TAFA2: variants seen among roughly 807,000 people sequenced by gnomAD.
TAFA2 encodes the protein TAFA chemokine like family member 2.
A neutral mutation model predicts 18.8 loss-of-function variants in TAFA2; 7 were observed. That is an observed-to-expected ratio of 0.37 (90% CI 0.21 to 0.70). The LOEUF (loss-of-function observed/expected upper bound fraction) is 0.70. Among genes scored for constraint, TAFA2 ranks in the 30% least tolerant of loss-of-function variants. The pLI, the probability that TAFA2 is intolerant of heterozygous loss-of-function variation, is 0.53. For synonymous variants in TAFA2, 60 were observed against 54.2 expected (o/e 1.11, Z -0.47); for missense variants, 122 against 158.1 (o/e 0.77, Z 1.23).
At chr12:62,139,549 T>C (rs767687773) in intron 1 of TAFA2, among the ~76,000 whole-genome samples, 10 of 152,322 alleles carry the variant, frequency 6.6e-5, no homozygotes, top group South Asian at 6.2e-4. Flanking sequence ...AAGAATTAAT[T>C]AATACCTCTT....
intron 2 of TAFA2, among the ~76,000 whole-genome samples, chr12:61,788,645 T>C (rs999903895): frequency 5.9e-5 from 9 of 151,610 alleles, no homozygotes; most frequent in Admixed American, 5.3e-4. Flanking sequence ...AACAAAATTT[T>C]GATAAATCTC....
At chr12:62,237,539 G>T (rs764510792) in intron 1 of TAFA2, among the ~76,000 whole-genome samples, 2 of 151,966 alleles carry the variant, frequency 1.3e-5, no homozygotes, top group African/African-American at 2.4e-5. Context: ...ATTGGTTCCG[G>T]GTTTCTTGCT....
At chr12:62,018,304 C>A (rs2136724340) in intron 1 of TAFA2, among the ~76,000 whole-genome samples, 1 of 152,280 alleles carries the variant, frequency 6.6e-6, no homozygotes, top group Admixed American at 6.5e-5. Flanking sequence ...ATTGTGAAAT[C>A]CCCAGTATTA....
chr12:61,940,292 T>A (rs1877945840), intron 1 of TAFA2, among the ~76,000 whole-genome samples: 1 of 152,190 alleles, frequency 6.6e-6, no homozygotes, highest in Non-Finnish European at 1.5e-5. Flanking sequence ...TCTTAATAGT[T>A]TGTGAACAAG....
intron 1 of TAFA2, among the ~76,000 whole-genome samples, chr12:62,107,663 T>C (rs1161369909): frequency 6.6e-6 from 1 of 152,186 alleles, no homozygotes; most frequent in Non-Finnish European, 1.5e-5. Flanking sequence ...ATTGCTGGAC[T>C]TTTTAACTCT....
At chr12:61,966,357 C>T (rs1467083544) in intron 1 of TAFA2, among the ~76,000 whole-genome samples, 1 of 151,852 alleles carries the variant, frequency 6.6e-6, no homozygotes, top group Non-Finnish European at 1.5e-5. Flanking sequence ...GGAAGGAACA[C>T]TGGTGGAAGA....
chr12:61,740,321 C>A (rs1315117028), intron 4 of TAFA2, among the ~76,000 whole-genome samples: 5 of 151,870 alleles, frequency 3.3e-5, no homozygotes, highest in African/African-American at 4.8e-5. Flanking sequence ...ATATCACACA[C>A]CGGAGCCTGT....
chr12:61,836,992 A>G (rs1384483937), intron 2 of TAFA2, among the ~76,000 whole-genome samples: 1 of 150,772 alleles, frequency 6.6e-6, no homozygotes, highest in Non-Finnish European at 1.5e-5. Flanking sequence ...TTTTATTTAT[A>G]ATGTTTTTTA....
chr12:62,248,706 CTTTA>C (rs2062898092), intron 1 of TAFA2, among the ~76,000 whole-genome samples: 1 of 152,096 alleles, frequency 6.6e-6, no homozygotes, highest in Non-Finnish European at 1.5e-5. Context: ...ACTCCATTTA[CTTTA>C]TTTGTTGAAA....
chr12:62,134,311 G>A (rs1050674646), intron 1 of TAFA2, among the ~76,000 whole-genome samples: 3 of 151,890 alleles, frequency 2.0e-5, no homozygotes, highest in African/African-American at 7.2e-5. Flanking sequence ...GAGGTCCTAA[G>A]CATGGAGCAC....
At chr12:62,104,779 G>A (rs772120979) in intron 1 of TAFA2, 1 of 450,756 alleles carries the variant, frequency 2.2e-6, no homozygotes, top group African/African-American at 2.0e-5. Flanking sequence ...TAAGCTAACT[G>A]GCTTTCTCTA....
chr12:61,811,180 T>C (rs1394535505), intron 2 of TAFA2, among the ~76,000 whole-genome samples: 1 of 151,424 alleles, frequency 6.6e-6, no homozygotes, highest in Non-Finnish European at 1.5e-5. Context: ...GTAGTAATAA[T>C]GCATATGAGC....
chr12:62,235,318 T>A (rs2062831933), intron 1 of TAFA2: 1 of 667,868 alleles, frequency 1.5e-6, no homozygotes, highest in Admixed American at 2.3e-5. Flanking sequence ...GCCCTCGGCA[T>A]CTCTGTCCTG....
Position 61,900,465 on chromosome 12 carries a change from G to A in TAFA2, c.-1-33039C>T, listed in dbSNP as rs534831902. On this transcript the variant is annotated intron_variant, in intron 1 of 4. Coordinates refer to ENST00000416284, the MANE Select transcript of TAFA2 (RefSeq NM_178539.5). ...TACCCAAGACTGGGTAATTTATAAA[G>A]GAAAAAGATTTAATTGACTTACAGT... Among the ~76,000 whole-genome samples, 3 of 152,268 alleles carry A rather than the reference G, an allele frequency of 2.0e-5. No individual in the cohort carries two copies. In the East Asian group the frequency reaches 5.8e-4, roughly 29 times the overall value.
chr12:61,889,568 C>G (rs1875537863), intron 1 of TAFA2, among the ~76,000 whole-genome samples: 1 of 152,168 alleles, frequency 6.6e-6, no homozygotes, highest in Non-Finnish European at 1.5e-5. Flanking sequence ...AAATGGATAT[C>G]AAGCAGGAAA....
intron 4 of TAFA2, among the ~76,000 whole-genome samples, chr12:61,739,923 C>T (rs1376021050): frequency 6.6e-6 from 1 of 152,052 alleles, no homozygotes; most frequent in Non-Finnish European, 1.5e-5. Flanking sequence ...AGAATAAATG[C>T]ATCTCAGTAT....
intron 1 of TAFA2, among the ~76,000 whole-genome samples, chr12:62,213,134 C>G (rs937226047): frequency 6.6e-6 from 1 of 152,198 alleles, no homozygotes; most frequent in Admixed American, 6.5e-5. Flanking sequence ...GGCAGCTGCT[C>G]ATATACCCCA....
chr12:62,081,478 TTTTG>T (rs200158676), intron 1 of TAFA2, among the ~76,000 whole-genome samples: 230 of 150,774 alleles, frequency 1.5e-3, no homozygotes, highest in African/African-American at 5.4e-3. Context: ...TTGTTTTTTA[TTTTG>T]TTTGTTTGTT....
intron 2 of TAFA2, among the ~76,000 whole-genome samples, chr12:61,790,792 A>G (rs1432796615): frequency 1.3e-5 from 2 of 151,818 alleles, no homozygotes; most frequent in African/African-American, 4.8e-5. Flanking sequence ...ATACTACCCA[A>G]AGCAATCTAT....
Sources: allele counts gnomAD v4.1 joint callset (sites outside exome capture counted in the v4.1 genomes callset), GRCh38; gene constraint gnomAD v4.1.1; transcripts MANE v1.5; gene names NCBI Gene and HGNC (gene_info 2026-07-23, HGNC 2026-07-21).